Variants in NFKBIE observed in about 807,000 individuals in gnomAD.
NFKBIE encodes the protein NF-kappa-B inhibitor epsilon.
A neutral mutation model predicts 31.6 loss-of-function variants in NFKBIE; 11 were observed. That is an observed-to-expected ratio of 0.35 (90% CI 0.22 to 0.58). NFKBIE has a LOEUF of 0.58. NFKBIE is among the 20% of genes least tolerant of loss of function. NFKBIE has a pLI of 0.83. For missense variants in NFKBIE, 354 were observed against 465.7 expected (o/e 0.76, Z 2.21); for synonymous variants, 208 against 210.1 (o/e 0.99, Z 0.09).
In NFKBIE at chr6:44,260,840, CACACACACACACACATACAG is replaced by C. The variant is rs1348936234; in HGVS notation, c.692-321_692-302del. On this transcript the variant is annotated intron_variant, in intron 3 of 5. Transcript: ENST00000619360. The surrounding 1 kb of genome is among the most constrained non-coding windows in gnomAD (Gnocchi z 5.5). Reference sequence around the variant, plus strand: ...ACACAAACTACAACACACACACACACACACACACACACACATACAGACACACACACACACACACACACACA... The same window carrying C: ...ACACAAACTACAACACACACACACACACACACACACACACACACACACACA... 3.6e-4 allele frequency among the ~76,000 whole-genome samples: 30 copies of C among 83,342 alleles called. No individual in the cohort carries two copies. The highest frequency in any genetic ancestry group is 8.3e-4 in the African/African-American group (19 of 22,870). 54.7% of individuals were successfully genotyped at this position (83,342 alleles called of 152,430 possible). A position where few individuals can be genotyped will look rare whatever the true frequency, so the allele number is the denominator to read the frequency against.
At position 44,264,967 on chromosome 6, in the gene NFKBIE, AG is replaced by A; in HGVS notation, c.365+14del. On this transcript the variant is annotated intron_variant, in intron 1 of 5. Coordinates refer to ENST00000619360, the MANE Select transcript of NFKBIE (RefSeq NM_004556.3). ...CAGAGTTAGCATCCCGATTCAGCCT[AG>A]CCCCCATACTCACGTGTCTCCGTCC... 6.4e-7 allele frequency: 1 copy of A among 1,555,524 alleles called. No individual in the cohort carries two copies. Among genetic ancestry groups the A allele is most frequent in the Admixed American group, 1.9e-5 (1 of 51,388 alleles).
intron 1 of NFKBIE, 116 bp downstream of exon 1, chr6:44,264,866 G>A (rs927693008): frequency 1.7e-6 from 2 of 1,149,428 alleles, no homozygotes; most frequent in Non-Finnish European, 1.2e-6. Context: ...CTGGAGTTTG[G>A]AAGAGCGAAT....
intron 5 of NFKBIE, among the ~76,000 whole-genome samples, chr6:44,259,831 C>T (rs1781830684): frequency 6.6e-6 from 1 of 152,160 alleles, no homozygotes; most frequent in South Asian, 2.1e-4. Flanking sequence ...GCCAACTTCA[C>T]TGATTCACTT....
Position 44,265,284 on chromosome 6 carries a change from C to G in NFKBIE, c.63G>C (p.Glu21Asp). The G allele has an allele frequency of 6.4e-7, 1 of 1,550,724 alleles. No homozygotes were observed. The highest frequency in any genetic ancestry group is 1.2e-5 in the South Asian group (1 of 84,200). ...AEESQYDSGI[E>D]SLRSLRSLPE... ...GTAGGGAGCGCAGAGAGCGCAGAGA[C>G]TCAATGCCAGAGTCGTACTGGCTCT... The change falls in exon 1 of 6, where the codon GAG (glutamate) becomes GAC (aspartate). Residue 21 changes from glutamate to aspartate, a missense_variant. Around this residue, in one of 2 missense-constraint regions of NFKBIE, gnomAD observed 171 missense variants for 155.1 expected, o/e 1.10. Transcript: ENST00000619360.
intron 2 of NFKBIE, 42 bp downstream of exon 2, chr6:44,262,518 G>A: frequency 6.5e-7 from 1 of 1,547,948 alleles, no homozygotes; most frequent in South Asian, 1.1e-5. Flanking sequence ...GGCTGCCAGG[G>A]CACAAACAGG....
At chr6:44,259,865 T>C (rs1244561089) in intron 5 of NFKBIE, among the ~76,000 whole-genome samples, 178 bp downstream of exon 5, 2 of 151,958 alleles carry the variant, frequency 1.3e-5, no homozygotes, top group Admixed American at 1.3e-4. Flanking sequence ...CCTGTAAGAG[T>C]CCAAATTTGG....
Position 44,265,157 on chromosome 6 carries a change from C to T in NFKBIE, c.190G>A (p.Ala64Thr), listed in dbSNP as rs746906493. 1.1e-5 allele frequency: 17 copies of T among 1,551,840 alleles called. No homozygotes were observed. The highest frequency in any genetic ancestry group is 4.1e-5 in the African/African-American group (3 of 73,102). The change falls in exon 1 of 6, where the codon GCG (alanine) becomes ACG (threonine). Residue 64 changes from alanine (A) to threonine (T), a missense_variant. By Grantham distance (58) the Ala-to-Thr change is moderately conservative. Coordinates refer to ENST00000619360, the MANE Select transcript of NFKBIE (RefSeq NM_004556.3). ...GTGGAATCAGCCCGCTCCCCATCCGCGTCTTCCTTCTCCTGTGGTTCCTTG... is the reference window on the plus strand; with the variant it reads ...GTGGAATCAGCCCGCTCCCCATCCGTGTCTTCCTTCTCCTGTGGTTCCTTG... Reference protein sequence around the residue: ...PVKEPQEKEDADGERADSTYG... With the variant: ...PVKEPQEKEDTDGERADSTYG...
rs759933712 is a variant in NFKBIE at position 44,265,516 on chromosome 6, G to T, written c.-170C>A. 89 of 1,559,850 alleles carry T rather than the reference G, an allele frequency of 5.7e-5. No homozygotes were observed. The African/African-American group carries it at 1.1e-3, about 19-fold the overall frequency. On this transcript the variant is annotated 5_prime_UTR_variant, in exon 1 of 6. Coordinates refer to ENST00000619360, the MANE Select transcript of NFKBIE (RefSeq NM_004556.3). Reference sequence around the variant, plus strand: ...GGGGCCGGCGCGCAGCGAGGACAAGGTTCGGAGCGCTGGCCAGGTCCACCC... The same window carrying T: ...GGGGCCGGCGCGCAGCGAGGACAAGTTTCGGAGCGCTGGCCAGGTCCACCC...
At position 44,265,486 on chromosome 6, in the gene NFKBIE, T is replaced by C; in HGVS notation, c.-140A>G. On this transcript the variant is annotated 5_prime_UTR_variant, in exon 1 of 6. Coordinates refer to ENST00000619360, the MANE Select transcript of NFKBIE (RefSeq NM_004556.3). ...CGGCCTCCTTCCCGGGCTGTGGGGC[T>C]CCGAGGGGCCGGCGCGCAGCGAGGA... 1 of 1,531,174 alleles carries C rather than the reference T, an allele frequency of 6.5e-7. No individual in the cohort carries two copies. The allele number at this position is 1,531,174 out of a possible 1,614,324, so 94.8% of individuals were successfully genotyped here.
rs2153331270 is a variant in NFKBIE, at chr6:44,260,080, T to C, written c.983A>G (p.Asn328Ser). 1 of 1,614,186 alleles carries C rather than the reference T, an allele frequency of 6.2e-7. No homozygotes were observed. The highest frequency in any genetic ancestry group is 8.5e-7 in the Non-Finnish European group (1 of 1,180,006). The stretch of plus-strand genomic sequence containing the variant: ...GTCCTGGGGCGTCTCATCCTCCACA[T>C]TCCGCAGCAGGGAGTCAGCACCCGC... ...CKAGADSLLR[N>S]VEDETPQDLT... Residue 328 changes from asparagine to serine, a missense_variant, in exon 5 of 6, where the codon AAT (asparagine) becomes AGT (serine). Physicochemically the swap from Asn to Ser is conservative, Grantham distance 46. This residue lies in a region of NFKBIE where 183 missense variants were observed against 310.6 expected (regional missense o/e 0.59). Transcript: ENST00000619360. This position sits in a 1 kb window ranked among gnomAD's most constrained non-coding sequence, Gnocchi z 5.5.
intron 5 of NFKBIE, 52 bp from the exon 6 acceptor site, chr6:44,259,336 C>G: frequency 6.8e-7 from 1 of 1,468,550 alleles, no homozygotes; most frequent in Non-Finnish European, 9.5e-7. Context: ...GAAAAGGTGA[C>G]TTGGGAAAGG....
In NFKBIE at chr6:44,258,899, C is replaced by G. The variant is rs1412500302; in HGVS notation, c.*320G>C. ...CATGCTTCCTACTGGTTGGCAGTTT[C>G]AGGCTGACCCAACATGGGTAAAACA... On this transcript the variant is annotated 3_prime_UTR_variant, in exon 6 of 6. Coordinates refer to ENST00000619360, the MANE Select transcript of NFKBIE (RefSeq NM_004556.3). 4.0e-6 allele frequency: 1 copy of G among 251,884 alleles called. No individual in the cohort carries two copies. Among genetic ancestry groups the G allele is most frequent in the Non-Finnish European group, 8.1e-6 (1 of 122,714 alleles). The allele number at this position is 251,884 out of a possible 1,614,324, so 15.6% of individuals were successfully genotyped here.
In NFKBIE at chr6:44,260,864, C is replaced by CACACACACACACACACATACAG. The variant is rs1781883497; in HGVS notation, c.692-326_692-325insCTGTATGTGTGTGTGTGTGTGT. ...ACACACACACACACACATACAGACA[C>CACACACACACACACACATACAG]ACACACACACACACACACACACACA... On this transcript the variant is annotated intron_variant, in intron 3 of 5. Transcript: ENST00000619360. This position sits in a 1 kb window ranked among gnomAD's most constrained non-coding sequence, Gnocchi z 5.5. 1.9e-5 allele frequency among the ~76,000 whole-genome samples: 2 copies of CACACACACACACACACATACAG among 107,236 alleles called. No homozygotes were observed. The highest frequency in any genetic ancestry group is 1.2e-4 in the African/African-American group (2 of 16,378). The allele number at this position is 107,236 out of a possible 152,430, so 70.4% of individuals were successfully genotyped here. A position where few individuals can be genotyped will look rare whatever the true frequency, so the allele number is the denominator to read the frequency against.
Position 44,261,933 on chromosome 6 carries a change from G to T in NFKBIE, c.469-85C>A. ...TGCTTGGGCTCAAGAATCACCAGCT[G>T]CCAGCATCTTCTTTGAAAGCAGCTT... On this transcript the variant is annotated intron_variant, in intron 2 of 5. Coordinates refer to ENST00000619360, the MANE Select transcript of NFKBIE (RefSeq NM_004556.3). This position sits in a 1 kb window ranked among gnomAD's most constrained non-coding sequence, Gnocchi z 4.3. 2 of 1,254,166 alleles carry T rather than the reference G, an allele frequency of 1.6e-6. No individual in the cohort carries two copies. The highest frequency in any genetic ancestry group is 1.1e-6 in the Non-Finnish European group (1 of 896,514). 77.7% of individuals were successfully genotyped at this position (1,254,166 alleles called of 1,614,324 possible).
Position 44,261,540 on chromosome 6 carries a change from C to T in NFKBIE, c.691+86G>A, listed in dbSNP as rs1196143780. ...GGGGCACCAATGGACAAGCTGGGAC[C>T]CTCCCTTCCCCAAGAGTGAGGTCCC... On this transcript the variant is annotated intron_variant, in intron 3 of 5. Coordinates refer to ENST00000619360, the MANE Select transcript of NFKBIE (RefSeq NM_004556.3). This position sits in a 1 kb window ranked among gnomAD's most constrained non-coding sequence, Gnocchi z 4.3. 3 of 1,426,164 alleles carry T rather than the reference C, an allele frequency of 2.1e-6. No homozygotes were observed. Among genetic ancestry groups the T allele is most frequent in the Non-Finnish European group, 1.9e-6 (2 of 1,030,538 alleles). 88.3% of individuals were successfully genotyped at this position (1,426,164 alleles called of 1,614,324 possible).
chr6:44,259,077 G>T lies in NFKBIE; in HGVS notation c.*142C>A. The T allele has an allele frequency of 1.2e-6, 1 of 803,244 alleles. No homozygotes were observed. Among genetic ancestry groups the T allele is most frequent in the East Asian group, 2.7e-5 (1 of 37,278 alleles). 49.8% of individuals were successfully genotyped at this position (803,244 alleles called of 1,614,324 possible). A position where few individuals can be genotyped will look rare whatever the true frequency, so the allele number is the denominator to read the frequency against. ...AGTCCCTCCTCCTCGGCTCAGGACT[G>T]TACTGGCTGGCCCCAGGCTCTGGCC... is the stretch of plus-strand genomic sequence containing the variant. On this transcript the variant is annotated 3_prime_UTR_variant, in exon 6 of 6. Coordinates refer to ENST00000619360, the MANE Select transcript of NFKBIE (RefSeq NM_004556.3).
chr6:44,260,323 A>C lies in NFKBIE; in HGVS notation c.781-41T>G. On this transcript the variant is annotated intron_variant, in intron 4 of 5. Transcript: ENST00000619360. The surrounding 1 kb of genome is among the most constrained non-coding windows in gnomAD (Gnocchi z 5.5). Reference sequence around the variant, plus strand: ...GATGTCAGCCAAGGCCCTCAGAGGCAGTGTGCTGGGCCTGGGCTCTGGATA... The same window carrying C: ...GATGTCAGCCAAGGCCCTCAGAGGCCGTGTGCTGGGCCTGGGCTCTGGATA... 1 of 1,606,212 alleles carries C rather than the reference A, an allele frequency of 6.2e-7. No individual in the cohort carries two copies. Among genetic ancestry groups the C allele is most frequent in the Non-Finnish European group, 8.5e-7 (1 of 1,173,750 alleles).
rs1211853638 is a variant in NFKBIE at position 44,265,163 on chromosome 6, C to T, written c.184G>A (p.Glu62Lys). 1.3e-6 allele frequency: 2 copies of T among 1,551,956 alleles called. No homozygotes were observed. Residue 62 changes from glutamate (E) to lysine (K), a missense_variant, in exon 1 of 6, where the codon GAA (glutamate) becomes AAA (lysine). Physicochemically the swap from Glu to Lys is moderately conservative, Grantham distance 56 (BLOSUM62 1). Coordinates refer to ENST00000619360, the MANE Select transcript of NFKBIE (RefSeq NM_004556.3). ...PGPVKEPQEK[E>K]DADGERADST... ...TCAGCCCGCTCCCCATCCGCGTCTTCCTTCTCCTGTGGTTCCTTGACGGGT... is the reference window on the plus strand; with the variant it reads ...TCAGCCCGCTCCCCATCCGCGTCTTTCTTCTCCTGTGGTTCCTTGACGGGT...
chr6:44,263,642 C>T lies in NFKBIE; in HGVS notation c.366-980G>A, dbSNP rs920685085. ...CTCTGGGTCACATTCTTGCAGCCAC[C>T]TCCCTCTCTCCCCCAGTATCCCCTC... is the stretch of plus-strand genomic sequence containing the variant. On this transcript the variant is annotated intron_variant, in intron 1 of 5. Transcript: ENST00000619360. The surrounding 1 kb of genome is among the most constrained non-coding windows in gnomAD (Gnocchi z 5.0). Among the ~76,000 whole-genome samples the T allele has an allele frequency of 2.6e-5, 4 of 151,952 alleles. No homozygotes were observed. The highest frequency in any genetic ancestry group is 9.7e-5 in the African/African-American group (4 of 41,366).
Sources: gnomAD v4.1 joint callset for allele counts (sites outside exome capture counted in the v4.1 genomes callset) on GRCh38, gnomAD v4.1.1 for gene constraint, gnomAD v4.1.1 regional missense constraint, Gnocchi (gnomAD v3.1) non-coding constraint, MANE v1.5 for transcripts, NCBI Gene and HGNC (gene_info 2026-07-23, HGNC 2026-07-21) for gene names.